Variants in PDS5A observed in about 807,000 individuals in gnomAD.
PDS5A encodes PDS5 cohesin associated factor A, also known as sister chromatid cohesion protein PDS5 homolog A.
PDS5A carries 42 observed loss-of-function variants against 167.1 expected under a neutral mutation model. The ratio of observed to expected loss-of-function variants is 0.25; its 90% CI spans 0.20 to 0.33. The LOEUF is 0.33. Ranked by LOEUF, PDS5A falls within the 10% of genes least tolerant of loss-of-function variation. The pLI is 1.00. For synonymous variants in PDS5A, 553 were observed against 554.6 expected, an observed-to-expected ratio of 1.00 and a Z score of 0.04; for missense variants, 1,033 against 1,605.9, an observed-to-expected ratio of 0.64 and a Z score of 6.10.
At chr4:39,963,322 G>A (rs1578838042) in intron 2 of PDS5A, among the ~76,000 whole-genome samples, 1 of 151,924 alleles carries the variant, frequency 6.6e-6, no homozygotes, top group East Asian at 1.9e-4. Context: ...AGCCGGGCAT[G>A]GTGGCAGGCA....
intron 2 of PDS5A, among the ~76,000 whole-genome samples, chr4:39,944,456 G>C (rs1195699456): frequency 6.6e-6 from 1 of 152,112 alleles, no homozygotes; most frequent in Non-Finnish European, 1.5e-5. Flanking sequence ...CACTCCGGGA[G>C]GCCGAGGTGG....
chr4:39,929,606 C>CGT (rs58333282), intron 2 of PDS5A, among the ~76,000 whole-genome samples: 23,247 of 129,926 alleles, frequency 0.18, 2,371 homozygotes, highest in Admixed American at 0.26. Flanking sequence ...CCTATTGGGG[C>CGT]GTGTGTGTGT....
At chr4:39,883,335 C>T (rs1721124184) in intron 17 of PDS5A, among the ~76,000 whole-genome samples, 1 of 152,010 alleles carries the variant, frequency 6.6e-6, no homozygotes, top group African/African-American at 2.4e-5. Context: ...CACGCACCAC[C>T]ACACCTGGCT....
At chr4:39,848,610 A>C (rs144488665) in intron 28 of PDS5A, 66 of 418,266 alleles carry the variant, frequency 1.6e-4, no homozygotes, top group African/African-American at 1.2e-3. Flanking sequence ...TAATTTTAAA[A>C]ATCTGAAAAC....
intron 26 of PDS5A, among the ~76,000 whole-genome samples, chr4:39,859,174 C>T (rs1213658417): frequency 1.3e-5 from 2 of 152,068 alleles, no homozygotes; most frequent in African/African-American, 4.8e-5. Context: ...TAAAAAACTG[C>T]AAATTTTGCT....
At chr4:39,873,603 T>C (rs905363348) in intron 20 of PDS5A, among the ~76,000 whole-genome samples, 1 of 137,520 alleles carries the variant, frequency 7.3e-6, no homozygotes, top group African/African-American at 2.5e-5. Context: ...CCAGTCATTA[T>C]ATGTAAAAAA....
chr4:39,919,167 C>A (rs1028834128), intron 7 of PDS5A, among the ~76,000 whole-genome samples: 4 of 151,802 alleles, frequency 2.6e-5, no homozygotes, highest in African/African-American at 9.7e-5. Context: ...GGATTTTTAT[C>A]CATGGAAAAT....
Position 39,838,220 on chromosome 4 carries a change from C to A in PDS5A, c.3658-12G>T, listed in dbSNP as rs1328386854. ...TCAGAATTAATTTCCTAAAAAAGCA[C>A]AAAACAATTCTATAAACACAAATTC... On this transcript the variant is annotated splice_polypyrimidine_tract_variant and intron_variant, in intron 31 of 32. Transcript: ENST00000303538. The A allele has an allele frequency of 1.4e-6, 2 of 1,470,976 alleles. No individual in the cohort carries two copies. The highest frequency in any genetic ancestry group is 1.8e-6 in the Non-Finnish European group (2 of 1,095,290). The allele number at this position is 1,470,976 out of a possible 1,614,324, so 91.1% of individuals were successfully genotyped here. A position where few individuals can be genotyped will look rare whatever the true frequency, so the allele number is the denominator to read the frequency against.
chr4:39,976,479 G>A lies in PDS5A; in HGVS notation c.99C>T (p.Thr33=). 1 of 1,613,318 alleles carries A rather than the reference G, an allele frequency of 6.2e-7. No homozygotes were observed. The highest frequency in any genetic ancestry group is 8.5e-7 in the Non-Finnish European group (1 of 1,179,406). ...TCATCTCGTCCGTGGTGATCTTGTCGGTGATCTCTTTTACCCCCGGAGGGT... is the reference window on the plus strand; with the variant it reads ...TCATCTCGTCCGTGGTGATCTTGTCAGTGATCTCTTTTACCCCCGGAGGGT... The part of the protein sequence containing the change: ...IAYPPGVKEI[T]DKITTDEMIK... Residue 33 remains threonine (T), a synonymous_variant, in exon 2 of 33, where the codon ACC becomes ACT. Coordinates refer to ENST00000303538, the MANE Select transcript of PDS5A (RefSeq NM_001100399.2).
intron 16 of PDS5A, among the ~76,000 whole-genome samples, chr4:39,892,106 A>G (rs1406673223): frequency 6.6e-6 from 1 of 151,948 alleles, no homozygotes; most frequent in Non-Finnish European, 1.5e-5. Context: ...AACAAAAAAC[A>G]AAAAACAAAA....
In PDS5A at chr4:39,928,002, A is replaced by G; in HGVS notation, c.301T>C (p.Tyr101His). ...ACCLADIFRI[Y>H]APEAPYTSHD... ...GAAGTATATGGAGCTTCTGGGGCAT[A>G]GATACGAAAGATATCAGCCAAACAA... is the stretch of plus-strand genomic sequence containing the variant. Residue 101 changes from tyrosine to histidine, a missense_variant, in exon 3 of 33, where the codon TAT becomes CAT. Tyr to His is a moderately conservative substitution (Grantham distance 83, BLOSUM62 2). Around this residue, in one of 4 missense-constraint regions of PDS5A, gnomAD observed 388 missense variants for 615.1 expected, o/e 0.63. Coordinates refer to ENST00000303538, the MANE Select transcript of PDS5A (RefSeq NM_001100399.2). The G allele has an allele frequency of 1.2e-6, 2 of 1,613,872 alleles. No homozygotes were observed. The highest frequency in any genetic ancestry group is 1.7e-6 in the Non-Finnish European group (2 of 1,179,754).
At chr4:39,928,958 A>C (rs939848216) in intron 2 of PDS5A, among the ~76,000 whole-genome samples, 5 of 152,210 alleles carry the variant, frequency 3.3e-5, no homozygotes, top group Non-Finnish European at 5.9e-5. Context: ...AATGCAAAGA[A>C]TCATGAAAAA....
At chr4:39,872,810 T>C (rs2109573446) in intron 21 of PDS5A, 176 bp downstream of exon 21, 2 of 388,714 alleles carry the variant, frequency 5.1e-6, no homozygotes, top group African/African-American at 2.1e-5. Flanking sequence ...CTAGTAGTAA[T>C]AGCTACCATG....
chr4:39,921,796 T>A (rs1228936363), intron 6 of PDS5A, among the ~76,000 whole-genome samples: 3 of 152,048 alleles, frequency 2.0e-5, no homozygotes, highest in African/African-American at 7.2e-5. Flanking sequence ...AAAAACCAAA[T>A]ATACTGTCTT....
chr4:39,866,829 C>T, intron 23 of PDS5A, 32 bp downstream of exon 23: 1 of 1,590,174 alleles, frequency 6.3e-7, no homozygotes, highest in Non-Finnish European at 8.6e-7. Flanking sequence ...AATTTCAGCA[C>T]TAAGAAAACT....
At chr4:39,910,787 G>A (rs1039186706) in intron 9 of PDS5A, among the ~76,000 whole-genome samples, 6 of 152,180 alleles carry the variant, frequency 3.9e-5, no homozygotes, top group Non-Finnish European at 7.3e-5. Context: ...TTGTGGCCAG[G>A]AGTTTAAGAC....
At chr4:39,844,920 G>C in intron 29 of PDS5A, 119 bp from the exon 30 acceptor site, 1 of 1,093,844 alleles carries the variant, frequency 9.1e-7, no homozygotes, top group Non-Finnish European at 1.2e-6. Context: ...AAATTTACCA[G>C]AAATGTTCAT....
chr4:39,849,493 C>CA (rs1717933476), intron 27 of PDS5A, 27 bp downstream of exon 27: 3 of 1,168,702 alleles, frequency 2.6e-6, no homozygotes, highest in Non-Finnish European at 3.6e-6. Flanking sequence ...TACATCTTAA[C>CA]ACCCACTGGC....
chr4:39,909,443 T>C (rs998216620), intron 10 of PDS5A, among the ~76,000 whole-genome samples: 3 of 152,296 alleles, frequency 2.0e-5, no homozygotes, highest in Non-Finnish European at 4.4e-5. Flanking sequence ...TAATAATGTA[T>C]TTTCATCAGT....
Sources: gnomAD v4.1 joint callset for allele counts (sites outside exome capture counted in the v4.1 genomes callset) on GRCh38, gnomAD v4.1.1 for gene constraint, gnomAD v4.1.1 regional missense constraint, MANE v1.5 for transcripts, NCBI Gene and HGNC (gene_info 2026-07-23, HGNC 2026-07-21) for gene names.